Variants in CCT4 observed in about 807,000 individuals in gnomAD.
The protein encoded by CCT4 is chaperonin containing TCP1 subunit 4.
Under a neutral mutation model 62.5 loss-of-function variants are expected in CCT4, and 17 were observed. The ratio of observed to expected loss-of-function variants is 0.27; its 90% CI spans 0.19 to 0.41. The LOEUF is 0.41. Ranked by LOEUF, CCT4 falls within the 10% of genes least tolerant of loss-of-function variation. The pLI, the probability that CCT4 is intolerant of heterozygous loss-of-function variation, is 1.00. For missense variants in CCT4, 592 were observed against 659.2 expected (o/e 0.90, Z 1.12); for synonymous variants, 250 against 229.9 (o/e 1.09, Z -0.79).
At position 61,868,718 on chromosome 2, in the gene CCT4, A is replaced by C. The variant is rs373853411; in HGVS notation, c.1606-12T>G. The C allele has an allele frequency of 7.4e-5, 116 of 1,576,064 alleles. No homozygotes were observed. In the African/African-American group the frequency reaches 1.4e-3, roughly 19 times the overall value. Reference sequence around the variant, plus strand: ...TATCGAGTGTTTACCTGATAAGAGAAAAACTTAGATTTCAAAACCTGTAAT... The same window carrying C: ...TATCGAGTGTTTACCTGATAAGAGACAAACTTAGATTTCAAAACCTGTAAT... On this transcript the variant is annotated splice_polypyrimidine_tract_variant and intron_variant, in intron 13 of 13. Coordinates refer to ENST00000394440, the MANE Select transcript of CCT4 (RefSeq NM_006430.4).
intron 1 of CCT4, 80 bp downstream of exon 1, chr2:61,888,301 G>A (rs1669306778): frequency 1.3e-6 from 2 of 1,514,854 alleles, no homozygotes. Context: ...AATGGGAAAT[G>A]AGCCAAACCC....
At chr2:61,872,634 AC>A (rs1228992479) in intron 10 of CCT4, 46 bp from the exon 11 acceptor site, 27 of 1,604,530 alleles carry the variant, frequency 1.7e-5, no homozygotes, top group Non-Finnish European at 2.3e-5. Flanking sequence ...GGTCAAAAAA[AC>A]CCCACACCCA....
intron 4 of CCT4, among the ~76,000 whole-genome samples, chr2:61,879,379 A>G (rs1026146787): frequency 3.5e-5 from 5 of 143,366 alleles, no homozygotes; most frequent in Admixed American, 2.9e-4. Context: ...CTCCCACCTC[A>G]GCCTCCTGAG....
At position 61,876,169 on chromosome 2, in the gene CCT4, G is replaced by C; in HGVS notation, c.843C>G (p.Ala281=). Residue 281 remains alanine (A), a synonymous_variant, in exon 8 of 14, where the codon GCC becomes GCG. Transcript: ENST00000394440. The stretch of plus-strand genomic sequence containing the variant: ...TTTGCTTCACTAAATTTAAAATATA[G>C]GCTCTCTCTTCTCGCAGCACTCGGT... ...QMDRVLREER[A]YILNLVKQIK... The C allele has an allele frequency of 6.2e-7, 1 of 1,606,776 alleles. No individual in the cohort carries two copies. The highest frequency in any genetic ancestry group is 8.5e-7 in the Non-Finnish European group (1 of 1,173,886).
Position 61,868,312 on chromosome 2 carries a change from T to A in CCT4, c.*380A>T, listed in dbSNP as rs1381905256. 5.8e-6 allele frequency: 1 copy of A among 171,080 alleles called. No individual in the cohort carries two copies. The highest frequency in any genetic ancestry group is 1.2e-5 in the Non-Finnish European group (1 of 80,242). 10.6% of individuals were successfully genotyped at this position (171,080 alleles called of 1,614,324 possible). A position where few individuals can be genotyped will look rare whatever the true frequency, so the allele number is the denominator to read the frequency against. On this transcript the variant is annotated 3_prime_UTR_variant, in exon 14 of 14. Coordinates refer to ENST00000394440, the MANE Select transcript of CCT4 (RefSeq NM_006430.4). ...TAGGTTCAGAGAGGTGCCACTTGGA[T>A]CATTAACTTTTAAGACAGCATATAT...
At chr2:61,886,724 A>G (rs1009892046) in intron 1 of CCT4, among the ~76,000 whole-genome samples, 5 of 151,060 alleles carry the variant, frequency 3.3e-5, no homozygotes, top group Admixed American at 1.3e-4. Context: ...TGTTTGTTGA[A>G]TATCAACCAT....
chr2:61,876,237 G>A lies in CCT4; in HGVS notation c.778-3C>T, dbSNP rs1668997978. 1.3e-6 allele frequency: 2 copies of A among 1,577,206 alleles called. No homozygotes were observed. The highest frequency in any genetic ancestry group is 1.7e-6 in the Non-Finnish European group (2 of 1,163,710). ...GAAACCACTATTTGATTATCCATCT[G>A]TTCAGAAAAAGAACATCATAATTTG... On this transcript the variant is annotated splice_polypyrimidine_tract_variant and splice_region_variant and intron_variant, in intron 7 of 13. Transcript: ENST00000394440.
rs1048753542 is a variant in CCT4, at chr2:61,875,995, AGAGT to A, written c.917+96_917+99del. The stretch of plus-strand genomic sequence containing the variant: ...GTTGTCTGTTAAGAAATACGAACTT[AGAGT>A]AAGTGCTTAAATCATATATTTTATC... On this transcript the variant is annotated intron_variant, in intron 8 of 13. Transcript: ENST00000394440. 102 of 688,050 alleles carry A rather than the reference AGAGT, an allele frequency of 1.5e-4. No individual in the cohort carries two copies. In the African/African-American group the frequency reaches 1.5e-3, roughly 10 times the overall value. 42.6% of individuals were successfully genotyped at this position (688,050 alleles called of 1,614,324 possible).
chr2:61,880,668 G>C (rs1572922719), intron 3 of CCT4, among the ~76,000 whole-genome samples: 1 of 151,998 alleles, frequency 6.6e-6, no homozygotes, highest in African/African-American at 2.4e-5. Flanking sequence ...CTATAGAATT[G>C]GAAGCTAAGA....
intron 8 of CCT4, among the ~76,000 whole-genome samples, chr2:61,873,785 C>T (rs532724003): frequency 3.9e-4 from 60 of 152,206 alleles, no homozygotes; most frequent in Non-Finnish European, 4.9e-4. Flanking sequence ...ACGCTGGTCT[C>T]GAACTCCTGA....
At chr2:61,876,512 G>C (rs574392268) in intron 7 of CCT4, among the ~76,000 whole-genome samples, 1 of 152,160 alleles carries the variant, frequency 6.6e-6, no homozygotes, top group East Asian at 1.9e-4. Flanking sequence ...TCAAAAGATA[G>C]GGTCCCTCTC....
intron 3 of CCT4, among the ~76,000 whole-genome samples, chr2:61,880,711 A>C (rs12466630): frequency 0.39 from 59,310 of 151,692 alleles, 11,778 homozygotes; most frequent in Middle Eastern, 0.46. Flanking sequence ...TAGAGTATCA[A>C]ACTTTTTTTT....
At position 61,868,432 on chromosome 2, in the gene CCT4, G is replaced by T. The variant is rs772521368; in HGVS notation, c.*260C>A. 4.7e-6 allele frequency: 2 copies of T among 426,016 alleles called. No individual in the cohort carries two copies. Among genetic ancestry groups the T allele is most frequent in the Non-Finnish European group, 8.4e-6 (2 of 236,900 alleles). 26.4% of individuals were successfully genotyped at this position (426,016 alleles called of 1,614,324 possible). ...CTCAACATGTAAACTCACTTTTTAC[G>T]CTTCTTTTATTAGTTTTTATTAGTT... is the stretch of plus-strand genomic sequence containing the variant. On this transcript the variant is annotated 3_prime_UTR_variant, in exon 14 of 14. Coordinates refer to ENST00000394440, the MANE Select transcript of CCT4 (RefSeq NM_006430.4).
intron 3 of CCT4, among the ~76,000 whole-genome samples, chr2:61,882,025 C>G (rs997520394): frequency 1.1e-4 from 16 of 151,744 alleles, no homozygotes; most frequent in Non-Finnish European, 2.4e-4. Context: ...CCTCTGCCTC[C>G]CCGGTTCAAG....
chr2:61,887,550 G>A (rs895735836), intron 1 of CCT4, among the ~76,000 whole-genome samples: 1 of 152,052 alleles, frequency 6.6e-6, no homozygotes, highest in African/African-American at 2.4e-5. Context: ...ATATACACTC[G>A]GGCAAGATCT....
chr2:61,878,385 TTC>T (rs1181303231), intron 5 of CCT4, among the ~76,000 whole-genome samples: 2 of 152,306 alleles, frequency 1.3e-5, no homozygotes, highest in South Asian at 2.1e-4. Context: ...TCTCAGCTGT[TTC>T]TGTTAGCGGT....
Position 61,884,026 on chromosome 2 carries a change from C to T in CCT4, c.181-478G>A, listed in dbSNP as rs964515086. Among the ~76,000 whole-genome samples the T allele has an allele frequency of 2.6e-5, 4 of 151,998 alleles. No homozygotes were observed. The East Asian group carries it at 5.8e-4, about 22-fold the overall frequency. The stretch of plus-strand genomic sequence containing the variant: ...AAGATAGATTTTTGAATATCCAGAG[C>T]GGAGAATAATCTATAGTATCATCCA... On this transcript the variant is annotated intron_variant, in intron 2 of 13. Transcript: ENST00000394440.
chr2:61,886,624 G>A (rs574300640), intron 1 of CCT4, among the ~76,000 whole-genome samples: 134 of 152,196 alleles, frequency 8.8e-4, no homozygotes, highest in East Asian at 6.2e-3. Flanking sequence ...TAACTTAGGT[G>A]GCCTTTCCTT....
rs75822263 is a variant in CCT4 at position 61,874,832 on chromosome 2, T to C, written c.917+1263A>G. The stretch of plus-strand genomic sequence containing the variant: ...GTTTAGGACCTTGGTCTAGGTAAGA[T>C]TATATATCCTACATTTAAAAGGGAA... On this transcript the variant is annotated intron_variant, in intron 8 of 13. Coordinates refer to ENST00000394440, the MANE Select transcript of CCT4 (RefSeq NM_006430.4). 4.8e-3 allele frequency among the ~76,000 whole-genome samples: 727 copies of C among 152,110 alleles called. 11 individuals carry two copies. The highest frequency in any genetic ancestry group is 0.017 in the African/African-American group (699 of 41,526).
Sources: gnomAD v4.1 joint callset for allele counts (sites outside exome capture counted in the v4.1 genomes callset) on GRCh38, gnomAD v4.1.1 for gene constraint, MANE v1.5 for transcripts, NCBI Gene and HGNC (gene_info 2026-07-23, HGNC 2026-07-21) for gene names.